The following CHAF1B variants were observed in gnomAD, a reference collection of about 807,000 sequenced individuals.
CHAF1B encodes CAF-1 subunit B.
In CHAF1B, 10 loss-of-function variants were observed where a neutral mutation model predicts 60.7. That is an observed-to-expected ratio of 0.16 (90% CI 0.10 to 0.28). CHAF1B has a LOEUF of 0.28. Among genes scored for constraint, CHAF1B ranks in the 10% least tolerant of loss-of-function variants. CHAF1B has a pLI of 1.00. For missense variants in CHAF1B, 558 were observed against 708.4 expected (o/e 0.79, Z 2.41); for synonymous variants, 261 against 266.1 (o/e 0.98, Z 0.19).
intron 10 of CHAF1B, among the ~76,000 whole-genome samples, 170 bp downstream of exon 10, chr21:36,409,635 AT>A (rs2086262203): frequency 6.6e-6 from 1 of 151,894 alleles, no homozygotes; most frequent in Non-Finnish European, 1.5e-5. Context: ...TTATTTATTT[AT>A]TTTGAGACCA....
At chr21:36,403,860 C>T (rs758888290) in intron 8 of CHAF1B, among the ~76,000 whole-genome samples, 43 of 152,140 alleles carry the variant, frequency 2.8e-4, no homozygotes, top group Non-Finnish European at 5.9e-4. Context: ...TTGGGCCAAA[C>T]GGGAGGGCAC....
Position 36,386,211 on chromosome 21 carries a change from G to T in CHAF1B, c.75G>T (p.Thr25=). The T allele has an allele frequency of 6.2e-7, 1 of 1,614,140 alleles. No homozygotes were observed. The highest frequency in any genetic ancestry group is 8.5e-7 in the Non-Finnish European group (1 of 1,179,996). ...ACAGCCTGGACTTCCAGCATGGGAC[G>T]GCTGGGAGGATCCACAGACTGGCGT... is the stretch of plus-strand genomic sequence containing the variant. ...PVYSLDFQHG[T]AGRIHRLASA... The change falls in exon 2 of 14, where the codon ACG becomes ACT. Residue 25 remains threonine (T), a synonymous_variant. Coordinates refer to ENST00000314103, the MANE Select transcript of CHAF1B (RefSeq NM_005441.3).
At chr21:36,413,387 C>T in intron 12 of CHAF1B, 72 bp downstream of exon 12, 2 of 1,423,000 alleles carry the variant, frequency 1.4e-6, no homozygotes, top group South Asian at 1.4e-5. Flanking sequence ...TCCCACCCTG[C>T]TGCAGGTGAA....
At position 36,413,133 on chromosome 21, in the gene CHAF1B, C is replaced by T; in HGVS notation, c.1311C>T (p.Ala437=). 1 of 1,614,118 alleles carries T rather than the reference C, an allele frequency of 6.2e-7. No individual in the cohort carries two copies. The highest frequency in any genetic ancestry group is 8.5e-7 in the Non-Finnish European group (1 of 1,180,008). The change falls in exon 12 of 14, where the codon GCC becomes GCT. Residue 437 remains alanine, a synonymous_variant. Coordinates refer to ENST00000314103, the MANE Select transcript of CHAF1B (RefSeq NM_005441.3). ...GCCCCGGCACGACTCCCCCTCAGGC[C>T]AGACAGGCCCCAGCCCCAACAGTCA... ...PSSPGTTPPQ[A]RQAPAPTVIR...
At position 36,411,926 on chromosome 21, in the gene CHAF1B, G is replaced by GC. The variant is rs1164898751; in HGVS notation, c.1061+325dup. Among the ~76,000 whole-genome samples the GC allele has an allele frequency of 3.9e-5, 6 of 152,072 alleles. No individual in the cohort carries two copies. In the East Asian group the frequency reaches 1.2e-3, roughly 30 times the overall value. On this transcript the variant is annotated intron_variant, in intron 11 of 13. Coordinates refer to ENST00000314103, the MANE Select transcript of CHAF1B (RefSeq NM_005441.3). Reference sequence around the variant, plus strand: ...GTGGTTTTAGTAGAGATGGGGTTTCGCCCTGTTGGCCAGGCTGGTATCAAA... The same window carrying GC: ...GTGGTTTTAGTAGAGATGGGGTTTCGCCCCTGTTGGCCAGGCTGGTATCAAA...
intron 12 of CHAF1B, 68 bp downstream of exon 12, chr21:36,413,383 C>G: frequency 7.0e-7 from 1 of 1,437,138 alleles, no homozygotes; most frequent in Non-Finnish European, 9.3e-7. Flanking sequence ...ACGCTCCCAC[C>G]CTGCTGCAGG....
intron 10 of CHAF1B, 106 bp downstream of exon 10, chr21:36,409,571 G>A (rs2086261757): frequency 1.6e-6 from 1 of 634,308 alleles, no homozygotes; most frequent in Non-Finnish European, 2.8e-6. Context: ...GGGTATCTGG[G>A]TTTGGTTCAG....
chr21:36,391,447 G>C (rs1026950750), intron 3 of CHAF1B, 104 bp from the exon 4 acceptor site: 3 of 635,674 alleles, frequency 4.7e-6, no homozygotes, highest in South Asian at 3.9e-5. Context: ...CTGGGCGACA[G>C]GGTGAGACTC....
At chr21:36,399,491 A>G (rs2086169277) in intron 6 of CHAF1B, 30 bp from the exon 7 acceptor site, 1 of 1,563,690 alleles carries the variant, frequency 6.4e-7, no homozygotes, top group Non-Finnish European at 8.8e-7. Flanking sequence ...ATTTACTAGA[A>G]GTGGTAAATC....
intron 12 of CHAF1B, among the ~76,000 whole-genome samples, chr21:36,413,688 C>G (rs1234354255): frequency 6.6e-6 from 1 of 152,208 alleles, no homozygotes; most frequent in African/African-American, 2.4e-5. Flanking sequence ...CTTCCCTTCT[C>G]TGGGGAAGCC....
chr21:36,394,950 C>G (rs1425980102), intron 5 of CHAF1B, among the ~76,000 whole-genome samples: 1 of 151,836 alleles, frequency 6.6e-6, no homozygotes, highest in Non-Finnish European at 1.5e-5. Flanking sequence ...AGGCTGGTCT[C>G]AAACTCCTAA....
rs148278624 is a variant in CHAF1B, at chr21:36,418,142, T to C, written c.*1776T>C. ...GATTCTCCTGCCTCAGCCTCTCCAG[T>C]AGCTGGGATTACAGGCACCCGCCAC... On this transcript the variant is annotated 3_prime_UTR_variant, in exon 14 of 14. Coordinates refer to ENST00000314103, the MANE Select transcript of CHAF1B (RefSeq NM_005441.3). 2.6e-5 allele frequency: 4 copies of C among 152,076 alleles called. No individual in the cohort carries two copies. The highest frequency in any genetic ancestry group is 5.9e-5 in the Non-Finnish European group (4 of 68,014). The allele number at this position is 152,076 out of a possible 1,614,324, so 9.4% of individuals were successfully genotyped here. A position where few individuals can be genotyped will look rare whatever the true frequency, so the allele number is the denominator to read the frequency against.
chr21:36,409,853 C>T (rs886750819), intron 10 of CHAF1B, among the ~76,000 whole-genome samples: 1 of 149,034 alleles, frequency 6.7e-6, no homozygotes, highest in Non-Finnish European at 1.5e-5. Flanking sequence ...AAATACATGT[C>T]AGTTTTTTTT....
At chr21:36,388,468 GTTT>G (rs1168454008) in intron 3 of CHAF1B, among the ~76,000 whole-genome samples, 98 of 126,332 alleles carry the variant, frequency 7.8e-4, no homozygotes, top group African/African-American at 2.4e-3. Context: ...GGCTTTGGGA[GTTT>G]TTTTTTTTTT....
chr21:36,390,710 C>T (rs2086080136), intron 3 of CHAF1B, among the ~76,000 whole-genome samples: 1 of 152,170 alleles, frequency 6.6e-6, no homozygotes, highest in Non-Finnish European at 1.5e-5. Context: ...GGCTAGAGTG[C>T]AGTGGCAAGA....
chr21:36,412,718 G>A (rs1399208879), intron 11 of CHAF1B, 166 bp from the exon 12 acceptor site: 13 of 659,470 alleles, frequency 2.0e-5, no homozygotes, highest in South Asian at 1.0e-4. Context: ...AGCAAATCGC[G>A]ATGAAACTGC....
intron 4 of CHAF1B, among the ~76,000 whole-genome samples, chr21:36,393,528 C>T (rs1183870298): frequency 3.4e-5 from 5 of 147,604 alleles, no homozygotes; most frequent in African/African-American, 7.5e-5. Flanking sequence ...CTCGGCTCAC[C>T]GCAACCTCTG....
rs778139508 is a variant in CHAF1B, at chr21:36,411,468, G to C, written c.925G>C (p.Glu309Gln). 24 of 1,613,716 alleles carry C rather than the reference G, an allele frequency of 1.5e-5. No homozygotes were observed. Among genetic ancestry groups the C allele is most frequent in the Non-Finnish European group, 1.9e-5 (23 of 1,180,014 alleles). Residue 309 changes from glutamate to glutamine, a missense_variant, in exon 11 of 14, where the codon GAG becomes CAG. By Grantham distance (29) the Glu-to-Gln change is conservative. This residue lies in a region of CHAF1B where 325 missense variants were observed against 493.5 expected (regional missense o/e 0.66). Transcript: ENST00000314103. Reference sequence around the variant, plus strand: ...TCTCTGTCCCCAACCCCCAGGTGTGGAGCTGATGAGTCTGCCCTACCGCCT... The same window carrying C: ...TCTCTGTCCCCAACCCCCAGGTGTGCAGCTGATGAGTCTGCCCTACCGCCT... ...ELRPVVETGV[E>Q]LMSLPYRLVF...
Position 36,412,866 on chromosome 21 carries a change from C to T in CHAF1B, c.1062-18C>T, listed in dbSNP as rs2086288438. The T allele has an allele frequency of 7.5e-6, 12 of 1,602,040 alleles. No homozygotes were observed. Among genetic ancestry groups the T allele is most frequent in the Non-Finnish European group, 9.4e-6 (11 of 1,174,240 alleles). On this transcript the variant is annotated intron_variant, in intron 11 of 13. Coordinates refer to ENST00000314103, the MANE Select transcript of CHAF1B (RefSeq NM_005441.3). ...GTGTTGGTAAGGTCTGTAACTTTTCCCTGTTTTGGGGACGAAGGTCCAGCG... is the reference window on the plus strand; with the variant it reads ...GTGTTGGTAAGGTCTGTAACTTTTCTCTGTTTTGGGGACGAAGGTCCAGCG...
Sources: allele counts gnomAD v4.1 joint callset (sites outside exome capture counted in the v4.1 genomes callset), GRCh38; gene constraint gnomAD v4.1.1; regional missense constraint gnomAD v4.1.1; transcripts MANE v1.5; gene names NCBI Gene and HGNC (gene_info 2026-07-23, HGNC 2026-07-21).